Variants in FBXL13 observed in about 807,000 individuals in gnomAD.
FBXL13 encodes F-box and leucine rich repeat protein 13.
A neutral mutation model predicts 83.6 loss-of-function variants in FBXL13; 67 were observed. That is an observed-to-expected ratio of 0.80 (90% CI 0.66 to 0.98). FBXL13 has a LOEUF of 0.98. Ranked by LOEUF, FBXL13 falls within the 50% of genes least tolerant of loss-of-function variation. FBXL13 has a pLI of 0.00. For missense variants in FBXL13, 822 were observed against 866.5 expected, an observed-to-expected ratio of 0.95 and a Z score of 0.64; for synonymous variants, 272 against 299.5, an observed-to-expected ratio of 0.91 and a Z score of 0.95.
At chr7:102,813,838 C>G (rs1022048450) in intron 19 of FBXL13, among the ~76,000 whole-genome samples, 2 of 152,148 alleles carry the variant, frequency 1.3e-5, no homozygotes, top group Non-Finnish European at 2.9e-5. Flanking sequence ...AAGTAAGCCC[C>G]TTCCTTGGTA....
chr7:103,060,057 T>TACACATATATATATATATATACAC (rs1797747140), intron 1 of FBXL13, among the ~76,000 whole-genome samples: 1 of 120,878 alleles, frequency 8.3e-6, no homozygotes, highest in African/African-American at 2.9e-5. Flanking sequence ...TATATATATA[T>TACACATATATATATATATATACAC]ATATATACTT....
chr7:103,074,732 G>A (rs564163859), upstream of FBXL13: 3 of 1,289,856 alleles, frequency 2.3e-6, no homozygotes, highest in African/African-American at 4.5e-5. Context: ...CCTTGAAGTA[G>A]TTCTTCAGCC....
At chr7:102,833,110 T>A (rs753217305) in intron 17 of FBXL13, 136 bp from the exon 19 acceptor site, 4 of 888,394 alleles carry the variant, frequency 4.5e-6, no homozygotes, top group African/African-American at 1.7e-5. Context: ...AAAAATAATT[T>A]AAAAAACCCA....
intron 6 of FBXL13, among the ~76,000 whole-genome samples, chr7:103,018,569 C>A (rs543548942): frequency 7.2e-5 from 11 of 152,276 alleles, no homozygotes; most frequent in Admixed American, 7.2e-4. Flanking sequence ...GTGCTGTATT[C>A]AGGAAACCAA....
intron 2 of FBXL13, among the ~76,000 whole-genome samples, chr7:103,045,019 T>C (rs1796127522): frequency 6.6e-6 from 1 of 152,224 alleles, no homozygotes; most frequent in South Asian, 2.1e-4. Context: ...AATTGAGCAA[T>C]GAATAATTTG....
chr7:103,062,796 A>C (rs1798048188), intron 1 of FBXL13, among the ~76,000 whole-genome samples: 1 of 152,184 alleles, frequency 6.6e-6, no homozygotes, highest in South Asian at 2.1e-4. Flanking sequence ...TCTCATCCCA[A>C]ATGGATAAAT....
chr7:102,811,222 G>A (rs1233085576), downstream of FBXL13, among the ~76,000 whole-genome samples: 4 of 152,150 alleles, frequency 2.6e-5, no homozygotes, highest in Non-Finnish European at 5.9e-5. Flanking sequence ...TATATTTAAA[G>A]CTACTAATGG....
intron 17 of FBXL13, among the ~76,000 whole-genome samples, chr7:102,838,375 T>C (rs1487835546): frequency 2.0e-5 from 3 of 152,102 alleles, no homozygotes; most frequent in Admixed American, 1.3e-4. Context: ...AGATAGTAGC[T>C]AGTATTATTA....
In FBXL13 at chr7:103,027,395, A is replaced by G. The variant is rs1191839325; in HGVS notation, c.327+54T>C. 9 of 1,231,884 alleles carry G rather than the reference A, an allele frequency of 7.3e-6. No individual in the cohort carries two copies. The South Asian group carries it at 9.3e-5, about 13-fold the overall frequency. The allele number at this position is 1,231,884 out of a possible 1,614,324, so 76.3% of individuals were successfully genotyped here. On this transcript the variant is annotated intron_variant, in intron 5 of 19. Coordinates refer to ENST00000313221, the Ensembl canonical transcript of FBXL13. ...ACACGGCATTACTATTTGAGGCAAC[A>G]TGAATATAACTGAAACATTCGGATT...
At chr7:102,948,616 G>C (rs1822916142) in intron 8 of FBXL13, among the ~76,000 whole-genome samples, 1 of 151,718 alleles carries the variant, frequency 6.6e-6, no homozygotes, top group Admixed American at 6.6e-5. Context: ...GTAGAGATGG[G>C]GTTTCACCAT....
At chr7:102,879,664 T>C (rs570291412) in intron 14 of FBXL13, among the ~76,000 whole-genome samples, 1 of 152,308 alleles carries the variant, frequency 6.6e-6, no homozygotes, top group East Asian at 1.9e-4. Flanking sequence ...TCAGACTCAA[T>C]AGCTCTGAAG....
Position 102,980,784 on chromosome 7 carries a change from A to C in FBXL13, c.496-12667T>G, listed in dbSNP as rs547546083. ...AGAGCGAGACTCCATCTCAAAAAAA[A>C]AAAGAGCTAAAACCATAAACTCTTA... On this transcript the variant is annotated intron_variant, in intron 6 of 19. Transcript: ENST00000313221. Among the ~76,000 whole-genome samples the C allele has an allele frequency of 2.0e-5, 3 of 152,312 alleles. No homozygotes were observed. In the South Asian group the frequency reaches 6.2e-4, roughly 32 times the overall value.
chr7:102,871,285 C>T (rs73192015), intron 16 of FBXL13, among the ~76,000 whole-genome samples: 35,128 of 152,002 alleles, frequency 0.23, 4,742 homozygotes, highest in African/African-American at 0.38. Context: ...TCTGATAAAA[C>T]GAAAACCATC....
rs764269776 is a variant in FBXL13 at position 102,948,891 on chromosome 7, TA to T, written c.724+14641del. Among the ~76,000 whole-genome samples, 16 of 152,100 alleles carry T rather than the reference TA, an allele frequency of 1.1e-4. 1 individual carries two copies. The highest frequency in any genetic ancestry group is 2.1e-4 in the Non-Finnish European group (14 of 68,020). ...CATACCTGGCTAATTTTTGTATTTTTAGTAAAGACAAGGTTTCGCCATGTTG... is the reference window on the plus strand; with the variant it reads ...CATACCTGGCTAATTTTTGTATTTTTGTAAAGACAAGGTTTCGCCATGTTG... On this transcript the variant is annotated intron_variant, in intron 8 of 19. Transcript: ENST00000313221.
intron 6 of FBXL13, among the ~76,000 whole-genome samples, chr7:102,997,389 T>G (rs1201395136): frequency 2.6e-5 from 4 of 152,202 alleles, no homozygotes; most frequent in Non-Finnish European, 5.9e-5. Flanking sequence ...ACTGGGATAT[T>G]AATCACCTCC....
At chr7:103,000,267 C>T (rs1163219388) in intron 6 of FBXL13, among the ~76,000 whole-genome samples, 3 of 152,132 alleles carry the variant, frequency 2.0e-5, no homozygotes, top group African/African-American at 4.8e-5. Context: ...AATCCCAACA[C>T]TTTGAAAGGC....
chr7:102,960,207 T>C (rs1049305156), intron 8 of FBXL13, among the ~76,000 whole-genome samples: 1 of 152,048 alleles, frequency 6.6e-6, no homozygotes. Flanking sequence ...ACCAAGCACC[T>C]CTACGCAAAT....
intron 6 of FBXL13, among the ~76,000 whole-genome samples, chr7:103,024,135 AAGAGAGAGAGAGAGAGAGAG>A (rs59206823): frequency 0.017 from 1,603 of 96,712 alleles, 37 homozygotes; most frequent in African/African-American, 0.03. Context: ...AAAAGTTAAA[AAGAGAGAGAGAGAGAGAGAG>A]AGAGAGAGAG....
At chr7:102,902,500 T>C (rs1813091324) in intron 11 of FBXL13, among the ~76,000 whole-genome samples, 1 of 152,226 alleles carries the variant, frequency 6.6e-6, no homozygotes, top group Non-Finnish European at 1.5e-5. Context: ...GCTCAAGAAA[T>C]CTTTGCCCAG....
Sources: allele counts gnomAD v4.1 joint callset (sites outside exome capture counted in the v4.1 genomes callset), GRCh38; gene constraint gnomAD v4.1.1; transcripts MANE v1.5; gene names NCBI Gene and HGNC (gene_info 2026-07-23, HGNC 2026-07-21).